MS4A4E: variants seen among roughly 807,000 people sequenced by gnomAD.
MS4A4E encodes putative membrane-spanning 4-domains subfamily A member 4E.
Under a neutral mutation model 13.3 loss-of-function variants are expected in MS4A4E, and 23 were observed. The ratio of observed to expected loss-of-function variants is 1.73; its 90% CI spans 1.25 to 2.45. The LOEUF is 2.45. Among genes scored for constraint, MS4A4E ranks in the 30% most tolerant of loss-of-function variants. The probability of loss-of-function intolerance (pLI) is 0.00; values close to 1 mark genes in which losing one functional copy is unlikely to be tolerated. For missense variants in MS4A4E, 144 were observed against 131.2 expected (o/e 1.10, Z -0.48); for synonymous variants, 36 against 45.6 (o/e 0.79, Z 0.85).
chr11:60,208,186 A>G (rs1266232672), intron 6 of MS4A4E, among the ~76,000 whole-genome samples: 3 of 152,090 alleles, frequency 2.0e-5, no homozygotes, highest in African/African-American at 7.2e-5. Flanking sequence ...TGTAGGACTG[A>G]TTTGTTGACT....
chr11:60,226,129 A>C (rs1295472160), intron 3 of MS4A4E, among the ~76,000 whole-genome samples: 1 of 151,676 alleles, frequency 6.6e-6, no homozygotes, highest in Non-Finnish European at 1.5e-5. Context: ...TAAGCCTATA[A>C]TTATTAAATA....
intron 3 of MS4A4E, among the ~76,000 whole-genome samples, chr11:60,218,085 C>T (rs185859983): frequency 1.3e-5 from 2 of 152,264 alleles, no homozygotes; most frequent in Admixed American, 1.3e-4. Context: ...GGGTATAGGC[C>T]TATAAATGGC....
chr11:60,242,988 G>A lies in MS4A4E; in HGVS notation c.-47C>T, dbSNP rs1259542220. 3 of 1,581,808 alleles carry A rather than the reference G, an allele frequency of 1.9e-6. No homozygotes were observed. In the African/African-American group the frequency reaches 4.1e-5, roughly 21 times the overall value. On this transcript the variant is annotated 5_prime_UTR_variant, in exon 1 of 9. Coordinates refer to ENST00000651255, the MANE Select transcript of MS4A4E (RefSeq NM_001393391.1). Reference sequence around the variant, plus strand: ...TTCAGGCCTGCAATGTCTGCTGCAGGTCTGATGAGTGCAGGGCTCTGGGCA... The same window carrying A: ...TTCAGGCCTGCAATGTCTGCTGCAGATCTGATGAGTGCAGGGCTCTGGGCA...
Position 60,200,462 on chromosome 11 carries a change from G to T in MS4A4E, c.*1081C>A, listed in dbSNP as rs2083973045. Among the ~76,000 whole-genome samples, 1 of 152,036 alleles carries T rather than the reference G, an allele frequency of 6.6e-6. No homozygotes were observed. Among genetic ancestry groups the T allele is most frequent in the Non-Finnish European group, 1.5e-5 (1 of 67,998 alleles). On this transcript the variant is annotated 3_prime_UTR_variant, in exon 9 of 9. Coordinates refer to ENST00000651255, the MANE Select transcript of MS4A4E (RefSeq NM_001393391.1). Reference sequence around the variant, plus strand: ...GCCTTCCGAGGTGTTTGTGTCCCTGGGTACTTGAGATTAGGGAGTGGTGAT... The same window carrying T: ...GCCTTCCGAGGTGTTTGTGTCCCTGTGTACTTGAGATTAGGGAGTGGTGAT...
intron 1 of MS4A4E, among the ~76,000 whole-genome samples, chr11:60,238,216 C>T (rs1018962362): frequency 6.6e-6 from 1 of 151,840 alleles, no homozygotes; most frequent in African/African-American, 2.4e-5. Context: ...TTGTTCCCTT[C>T]TCTTCTAGTT....
intron 6 of MS4A4E, chr11:60,206,592 T>G (rs1373869136): frequency 6.2e-6 from 1 of 161,498 alleles, no homozygotes; most frequent in Non-Finnish European, 1.4e-5. Flanking sequence ...TGGAGTTGGA[T>G]TCTGGTACTT....
chr11:60,208,505 T>C (rs1374371650), intron 6 of MS4A4E, 88 bp downstream of exon 6: 5 of 422,032 alleles, frequency 1.2e-5, no homozygotes, highest in East Asian at 1.1e-4. Context: ...AATGAATGTG[T>C]ACTGTGTTAA....
chr11:60,219,550 A>G (rs2084241016), intron 3 of MS4A4E, among the ~76,000 whole-genome samples: 1 of 152,230 alleles, frequency 6.6e-6, no homozygotes, highest in Admixed American at 6.5e-5. Context: ...TTGAATTATA[A>G]AAACAGAGAA....
chr11:60,201,059 G>T lies in MS4A4E; in HGVS notation c.*484C>A, dbSNP rs549023445. On this transcript the variant is annotated 3_prime_UTR_variant, in exon 9 of 9. Transcript: ENST00000651255. ...CCTCCCAGACGTGGTGGCTGGCCGG[G>T]TGGGGGGCTGAACCCCCCACCTCCC... Among the ~76,000 whole-genome samples, 4 of 145,358 alleles carry T rather than the reference G, an allele frequency of 2.8e-5. No individual in the cohort carries two copies. The highest frequency in any genetic ancestry group is 2.1e-4 in the East Asian group (1 of 4,734).
At chr11:60,229,682 A>T (rs755993137) in intron 2 of MS4A4E, among the ~76,000 whole-genome samples, 36 of 152,304 alleles carry the variant, frequency 2.4e-4, no homozygotes, top group Middle Eastern at 6.8e-3. Flanking sequence ...CTGACCCACA[A>T]CCCTAGAATA....
chr11:60,237,872 A>G (rs1160457479), intron 1 of MS4A4E, among the ~76,000 whole-genome samples: 1 of 152,002 alleles, frequency 6.6e-6, no homozygotes, highest in Non-Finnish European at 1.5e-5. Flanking sequence ...TCGTCATTGG[A>G]TGAGTATTTT....
At chr11:60,224,767 T>A (rs1002880169) in intron 3 of MS4A4E, among the ~76,000 whole-genome samples, 13 of 152,198 alleles carry the variant, frequency 8.5e-5, no homozygotes, top group African/African-American at 2.9e-4. Context: ...CTGACTTATA[T>A]AAAGTATTTA....
intron 5 of MS4A4E, among the ~76,000 whole-genome samples, chr11:60,209,621 A>C (rs1590706091): frequency 6.6e-6 from 1 of 152,236 alleles, no homozygotes; most frequent in East Asian, 1.9e-4. Context: ...AATGAACATC[A>C]CGTAGGTCAG....
intron 1 of MS4A4E, among the ~76,000 whole-genome samples, chr11:60,231,639 C>T (rs532810244): frequency 1.3e-5 from 2 of 152,250 alleles, no homozygotes; most frequent in African/African-American, 4.8e-5. Flanking sequence ...AGATAAGAGT[C>T]TCCTTGAGGT....
rs1164601410 is a variant in MS4A4E at position 60,200,949 on chromosome 11, GC to G, written c.*593del. 1.3e-5 allele frequency among the ~76,000 whole-genome samples: 2 copies of G among 149,478 alleles called. No homozygotes were observed. Among genetic ancestry groups the G allele is most frequent in the Non-Finnish European group, 3.0e-5 (2 of 67,082 alleles). The stretch of plus-strand genomic sequence containing the variant: ...CCCCTCCACCTCCCTCCCGGACGGG[GC>G]GGCTGGCCGGGTGGGGGGCTGAACC... On this transcript the variant is annotated 3_prime_UTR_variant, in exon 9 of 9. Transcript: ENST00000651255.
At chr11:60,229,738 A>G (rs1181925251) in intron 2 of MS4A4E, among the ~76,000 whole-genome samples, 174 bp downstream of exon 2, 1 of 152,264 alleles carries the variant, frequency 6.6e-6, no homozygotes, top group Middle Eastern at 3.4e-3. Flanking sequence ...TGGAAGCAGG[A>G]TGTGATAGAA....
chr11:60,214,730 G>A, intron 3 of MS4A4E, 116 bp from the exon 4 acceptor site: 1 of 521,442 alleles, frequency 1.9e-6, no homozygotes, highest in Non-Finnish European at 3.2e-6. Context: ...GTATAAACAG[G>A]TCAATTATCT....
rs373677109 is a variant in MS4A4E, at chr11:60,224,810, C to A, written c.178+3784G>T. On this transcript the variant is annotated intron_variant, in intron 3 of 8. Coordinates refer to ENST00000651255, the MANE Select transcript of MS4A4E (RefSeq NM_001393391.1). ...AGCTTTAAGTTTTATATTATTATTA[C>A]TATTTTAAATATGAGAAAATTGAGT... 8.5e-5 allele frequency among the ~76,000 whole-genome samples: 13 copies of A among 152,112 alleles called. No individual in the cohort carries two copies. In the South Asian group the frequency reaches 2.5e-3, roughly 29 times the overall value.
At chr11:60,215,591 G>A (rs1056943412) in intron 3 of MS4A4E, among the ~76,000 whole-genome samples, 2 of 151,606 alleles carry the variant, frequency 1.3e-5, no homozygotes, top group Non-Finnish European at 2.9e-5. Flanking sequence ...ATCTGTCTCA[G>A]TCTACAAGTC....
Sources: gnomAD v4.1 joint callset for allele counts (sites outside exome capture counted in the v4.1 genomes callset) on GRCh38, gnomAD v4.1.1 for gene constraint, MANE v1.5 for transcripts, NCBI Gene and HGNC (gene_info 2026-07-23, HGNC 2026-07-21) for gene names.